WNK2: variants seen among roughly 807,000 people sequenced by gnomAD.
The protein encoded by WNK2 is serine/threonine-protein kinase WNK2.
In WNK2, 67 loss-of-function variants were observed where a neutral mutation model predicts 192.1. That is an observed-to-expected ratio of 0.35 (90% CI 0.29 to 0.43). The LOEUF (loss-of-function observed/expected upper bound fraction) is 0.43, where lower values mean the gene tolerates loss of function less well. Among genes scored for constraint, WNK2 ranks in the 20% least tolerant of loss-of-function variants. WNK2 has a pLI of 1.00. For synonymous variants in WNK2, 1,439 were observed against 1,393.9 expected (o/e 1.03, Z -0.72); for missense variants, 2,698 against 3,089.7 (o/e 0.87, Z 3.01).
chr9:93,195,751 A>G (rs778073390), intron 2 of WNK2, among the ~76,000 whole-genome samples: 2 of 150,558 alleles, frequency 1.3e-5, no homozygotes, highest in Non-Finnish European at 3.0e-5. Flanking sequence ...AATATCAACC[A>G]TAATCCAACC....
chr9:93,318,136 C>A, intron 29 of WNK2: 1 of 1,529,746 alleles, frequency 6.5e-7, no homozygotes. Context: ...GCCAGCTTTT[C>A]CGTTCCCTGA....
At chr9:93,206,043 A>G (rs193097223) in intron 2 of WNK2, among the ~76,000 whole-genome samples, 2 of 152,212 alleles carry the variant, frequency 1.3e-5, no homozygotes, top group Non-Finnish European at 2.9e-5. Flanking sequence ...CTCGGGGCAC[A>G]ATTTTATGGG....
At chr9:93,233,156 C>T (rs1293243745) in intron 4 of WNK2, among the ~76,000 whole-genome samples, 3 of 145,920 alleles carry the variant, frequency 2.1e-5, no homozygotes, top group Non-Finnish European at 4.5e-5. Context: ...TGTGTTCATG[C>T]CACTGCACTC....
At chr9:93,318,418 G>T (rs781389210) in intron 29 of WNK2, 13 of 1,613,960 alleles carry the variant, frequency 8.1e-6, no homozygotes, top group South Asian at 1.1e-5. Context: ...GCTGAGAGAC[G>T]GCGGGACGCT....
intron 26 of WNK2, among the ~76,000 whole-genome samples, chr9:93,305,809 G>A (rs1411284775): frequency 6.6e-6 from 1 of 152,236 alleles, no homozygotes; most frequent in Non-Finnish European, 1.5e-5. Flanking sequence ...TGTTCCTGCT[G>A]CGGAGGGAGT....
intron 28 of WNK2, among the ~76,000 whole-genome samples, chr9:93,314,571 G>C (rs1249407841): frequency 1.3e-5 from 2 of 152,032 alleles, no homozygotes; most frequent in African/African-American, 2.4e-5. Flanking sequence ...AATGATGCCA[G>C]CCATTTATAA....
Position 93,230,940 on chromosome 9 carries a change from C to A in WNK2, c.907C>A (p.Arg303=), listed in dbSNP as rs1424424506. ...GCCCAAGGTTCTCCGCAGCTGGTGC[C>A]GGCAGATCCTGAAGGGCCTGCTGTT... The part of the protein sequence containing the change: ...MKPKVLRSWC[R]QILKGLLFLH... The change falls in exon 4 of 30, where the codon CGG becomes AGG. Residue 303 remains arginine, a synonymous_variant. Coordinates refer to ENST00000427277, the MANE Select transcript of WNK2 (RefSeq NM_006648.4). 1 of 1,613,890 alleles carries A rather than the reference C, an allele frequency of 6.2e-7. No homozygotes were observed. The highest frequency in any genetic ancestry group is 1.1e-5 in the South Asian group (1 of 91,070).
intron 2 of WNK2, among the ~76,000 whole-genome samples, chr9:93,187,000 G>A (rs1333850494): frequency 6.6e-6 from 1 of 152,174 alleles, no homozygotes; most frequent in Admixed American, 6.5e-5. Context: ...CCTGCTGCAA[G>A]GGAAAGCAGA....
At chr9:93,251,048 A>G (rs962378836) in intron 8 of WNK2, among the ~76,000 whole-genome samples, 1 of 152,048 alleles carries the variant, frequency 6.6e-6, no homozygotes, top group Non-Finnish European at 1.5e-5. Context: ...CAGCCTCTCA[A>G]GGTGCTGGGA....
At chr9:93,270,752 C>T (rs552526590) in intron 19 of WNK2, among the ~76,000 whole-genome samples, 52 of 152,218 alleles carry the variant, frequency 3.4e-4, no homozygotes, top group African/African-American at 1.1e-3. Context: ...ACCAGCACGC[C>T]GACAGTTCTG....
At chr9:93,196,302 A>G (rs996054337) in intron 2 of WNK2, among the ~76,000 whole-genome samples, 6 of 151,982 alleles carry the variant, frequency 3.9e-5, no homozygotes, top group South Asian at 2.1e-4. Context: ...AGATGGGACA[A>G]TTCTCAGCTG....
intron 5 of WNK2, among the ~76,000 whole-genome samples, chr9:93,237,616 G>A (rs1840047264): frequency 6.6e-6 from 1 of 152,124 alleles, no homozygotes; most frequent in African/African-American, 2.4e-5. Context: ...GTCTCTTTCT[G>A]TTGGCTGGCT....
At position 93,184,951 on chromosome 9, in the gene WNK2, C is replaced by T; in HGVS notation, c.22C>T (p.Arg8Ter). Residue 8 changes from arginine to a stop codon, truncating the protein, a stop_gained, in exon 2 of 30, where the codon CGA becomes TGA. Coordinates refer to ENST00000427277, the MANE Select transcript of WNK2 (RefSeq NM_006648.4). LOFTEE classifies it high-confidence loss of function. ...AGAGATGGACGGCGATGGCGGCCGC[C>T]GAGACGTCCCCGGCACGCTGATGGA... MDGDGGR[R>*]DVPGTLMEPG... is the part of the protein sequence containing the mutation. 1 of 1,229,772 alleles carries T rather than the reference C, an allele frequency of 8.1e-7. No homozygotes were observed. The highest frequency in any genetic ancestry group is 1.0e-6 in the Non-Finnish European group (1 of 987,938). The allele number at this position is 1,229,772 out of a possible 1,614,324, so 76.2% of individuals were successfully genotyped here. A position where few individuals can be genotyped will look rare whatever the true frequency, so the allele number is the denominator to read the frequency against.
At chr9:93,301,965 G>A (rs976484506) in intron 26 of WNK2, among the ~76,000 whole-genome samples, 2 of 152,212 alleles carry the variant, frequency 1.3e-5, no homozygotes, top group African/African-American at 2.4e-5. Flanking sequence ...TGCCCTGGGC[G>A]CCTCTCAAGC....
At chr9:93,198,252 T>C (rs1230309359) in intron 2 of WNK2, among the ~76,000 whole-genome samples, 1 of 152,216 alleles carries the variant, frequency 6.6e-6, no homozygotes, top group Non-Finnish European at 1.5e-5. Flanking sequence ...GCACCTGAGC[T>C]GGAACTGCCC....
intron 2 of WNK2, among the ~76,000 whole-genome samples, chr9:93,195,699 C>CAAAAAAAAAAAAAAAAAAAAAAAAA (rs59357990): frequency 4.8e-5 from 2 of 41,670 alleles, no homozygotes; most frequent in Admixed American, 3.7e-4. Context: ...GACTTTGTCT[C>CAAAAAAAAAAAAAAAAAAAAAAAAA]AAAAAAAAAA....
rs547487046 is a variant in WNK2, at chr9:93,203,872, G to T, written c.681+18262G>T. ...TGCAGCCTGGTCACTGTCCCCACTG[G>T]TTACCCACGCAGCCCTGTGGACATG... is the stretch of plus-strand genomic sequence containing the variant. On this transcript the variant is annotated intron_variant, in intron 2 of 29. Coordinates refer to ENST00000427277, the MANE Select transcript of WNK2 (RefSeq NM_006648.4). 9.2e-5 allele frequency among the ~76,000 whole-genome samples: 14 copies of T among 152,272 alleles called. No individual in the cohort carries two copies. In the South Asian group the frequency reaches 2.9e-3, roughly 32 times the overall value.
intron 23 of WNK2, among the ~76,000 whole-genome samples, chr9:93,293,900 T>C (rs977737264): frequency 6.6e-6 from 1 of 152,006 alleles, no homozygotes; most frequent in Non-Finnish European, 1.5e-5. Flanking sequence ...TCTGGCACAC[T>C]CTCTCTTCCT....
chr9:93,251,109 T>C (rs1842534361), intron 8 of WNK2, among the ~76,000 whole-genome samples: 1 of 150,714 alleles, frequency 6.6e-6, no homozygotes, highest in South Asian at 2.1e-4. Context: ...ATTTTTAATT[T>C]TTAAAAATTT....
Sources: gnomAD v4.1 joint callset for allele counts (sites outside exome capture counted in the v4.1 genomes callset) on GRCh38, gnomAD v4.1.1 for gene constraint, MANE v1.5 for transcripts, NCBI Gene and HGNC (gene_info 2026-07-23, HGNC 2026-07-21) for gene names.